Variants in ZNF518A observed in about 807,000 individuals in gnomAD.
ZNF518A encodes the protein zinc finger protein 518A.
A neutral mutation model predicts 102.7 loss-of-function variants in ZNF518A; 47 were observed. The ratio of observed to expected loss-of-function variants is 0.46; its 90% confidence interval spans 0.36 to 0.58. ZNF518A has a LOEUF of 0.58. Among genes scored for constraint, ZNF518A ranks in the 20% least tolerant of loss-of-function variants. ZNF518A has a pLI of 0.00. For synonymous variants in ZNF518A, 652 were observed against 594.6 expected (o/e 1.10, Z -1.40); for missense variants, 1,793 against 1,699.8 (o/e 1.05, Z -0.96).
At chr10:96,179,160 G>A (rs909335635) in intron 1 of ZNF518A, among the ~76,000 whole-genome samples, 4 of 152,040 alleles carry the variant, frequency 2.6e-5, no homozygotes, top group Non-Finnish European at 5.9e-5. Context: ...TAATGTATTA[G>A]CATTAAAAAC....
At chr10:96,189,965 G>T in intron 1 of ZNF518A, 2 of 885,846 alleles carry the variant, frequency 2.3e-6, no homozygotes, top group Non-Finnish European at 3.8e-6. Flanking sequence ...AAGGGAAACT[G>T]TTGGCTGTAC....
chr10:96,185,055 TC>T (rs1235686202), intron 1 of ZNF518A, among the ~76,000 whole-genome samples: 1 of 152,242 alleles, frequency 6.6e-6, no homozygotes, highest in Non-Finnish European at 1.5e-5. Flanking sequence ...ATTAATTTCA[TC>T]TTCAATCACT....
In ZNF518A at chr10:96,200,208, T is replaced by G; in HGVS notation, n.36-3366T>G. The G allele has an allele frequency of 6.6e-7, 1 of 1,506,360 alleles. No individual in the cohort carries two copies. Among genetic ancestry groups the G allele is most frequent in the Non-Finnish European group, 9.2e-7 (1 of 1,083,372 alleles). The allele number at this position is 1,506,360 out of a possible 1,614,324, so 93.3% of individuals were successfully genotyped here. On this transcript the variant is annotated intron_variant and non_coding_transcript_variant, in intron 1 of 2. Coordinates refer to the ZNF518A transcript ENST00000442635. The surrounding 1 kb of genome is among the most constrained non-coding windows in gnomAD (Gnocchi z 4.3). ...GCATGGGATGGTCCCTACTTAACTC[T>G]AATTTCTGTGTACTAGAAACAAAGA... is the stretch of plus-strand genomic sequence containing the variant.
rs1238481628 is a variant in ZNF518A, at chr10:96,196,835, A to G, written n.36-6739A>G. 6 of 1,444,794 alleles carry G rather than the reference A, an allele frequency of 4.2e-6. No homozygotes were observed. The African/African-American group carries it at 7.0e-5, about 17-fold the overall frequency. 89.5% of individuals were successfully genotyped at this position (1,444,794 alleles called of 1,614,324 possible). A position where few individuals can be genotyped will look rare whatever the true frequency, so the allele number is the denominator to read the frequency against. On this transcript the variant is annotated intron_variant and non_coding_transcript_variant, in intron 1 of 2. Coordinates refer to the ZNF518A transcript ENST00000442635. ...TGTATCCTTTCTCCTCATCTCTAGC[A>G]TCTAATACAGTATTTGATGTCATTA...
chr10:96,177,102 A>G (rs1243601495), intron 1 of ZNF518A, among the ~76,000 whole-genome samples: 3 of 150,260 alleles, frequency 2.0e-5, no homozygotes, highest in African/African-American at 4.9e-5. Context: ...AAAAAATCAC[A>G]TTTCTGAAAG....
chr10:96,136,883 T>G (rs1406937438), intron 3 of ZNF518A, among the ~76,000 whole-genome samples: 2 of 152,250 alleles, frequency 1.3e-5, no homozygotes, highest in African/African-American at 4.8e-5. Flanking sequence ...ATACCAAGGT[T>G]GGCAAGCTTT....
At position 96,156,843 on chromosome 10, in the gene ZNF518A, G is replaced by A. The variant is rs782765056; in HGVS notation, c.521G>A (p.Ser174Asn). ...AAACAACACAGACGAACCCATAGAA[G>A]CACTTTAGTAAAATGTGACATTTGT... ...VFKQHRRTHR[S>N]TLVKCDICNN... The change falls in exon 6 of 6, where the codon AGC becomes AAC. Residue 174 changes from serine (S) to asparagine (N), a missense_variant. This residue lies in a region of ZNF518A where 1,741 missense variants were observed against 1,622.6 expected (regional missense o/e 1.07). Coordinates refer to ENST00000316045, the MANE Select transcript of ZNF518A (RefSeq NM_001330736.2). 2 of 1,613,784 alleles carry A rather than the reference G, an allele frequency of 1.2e-6. No homozygotes were observed. Among genetic ancestry groups the A allele is most frequent in the East Asian group, 2.2e-5 (1 of 44,876 alleles).
At chr10:96,180,596 T>C (rs938450031) in intron 1 of ZNF518A, among the ~76,000 whole-genome samples, 7 of 152,074 alleles carry the variant, frequency 4.6e-5, no homozygotes, top group African/African-American at 9.7e-5. Flanking sequence ...CATGCGGTGT[T>C]AGGTTTTCTG....
intron 1 of ZNF518A, among the ~76,000 whole-genome samples, chr10:96,187,979 G>A (rs1432419191): frequency 6.6e-6 from 1 of 152,202 alleles, no homozygotes. Context: ...CTGAGTAGTA[G>A]CTGAAATTAC....
rs75468611 is a variant in ZNF518A at position 96,199,678 on chromosome 10, G to A, written n.36-3896G>A. On this transcript the variant is annotated intron_variant and non_coding_transcript_variant, in intron 1 of 2. Coordinates refer to the ZNF518A transcript ENST00000442635. ...TATTTAATTAGCATATCATAAGGAC[G>A]ACAACTGTGTCTATTACAGGCTGAG... 26 of 377,416 alleles carry A rather than the reference G, an allele frequency of 6.9e-5. No individual in the cohort carries two copies. The East Asian group carries it at 1.7e-3, about 24-fold the overall frequency. 23.4% of individuals were successfully genotyped at this position (377,416 alleles called of 1,614,324 possible).
At chr10:96,204,426 T>C, downstream of ZNF518A, 2 of 1,287,596 alleles carry the variant, frequency 1.6e-6, no homozygotes, top group East Asian at 2.3e-5. Flanking sequence ...AAATGTTGGA[T>C]TTTTACCTAG....
chr10:96,197,206 G>T, intron 1 of ZNF518A: 1 of 627,892 alleles, frequency 1.6e-6, no homozygotes, highest in Non-Finnish European at 2.6e-6. Context: ...ATTGATTAGC[G>T]CTTGTCTTCT....
At chr10:96,171,394 G>A (rs2083172561) in intron 1 of ZNF518A, among the ~76,000 whole-genome samples, 1 of 152,174 alleles carries the variant, frequency 6.6e-6, no homozygotes, top group South Asian at 2.1e-4. Flanking sequence ...CAACTTGGAT[G>A]AATGTTGGAA....
chr10:96,132,308 T>C (rs995411742), intron 1 of ZNF518A, among the ~76,000 whole-genome samples: 1 of 151,770 alleles, frequency 6.6e-6, no homozygotes, highest in Non-Finnish European at 1.5e-5. Flanking sequence ...GATCCAGATA[T>C]TATTTCTAGT....
chr10:96,171,260 T>C (rs782736766), intron 1 of ZNF518A, among the ~76,000 whole-genome samples: 7 of 152,340 alleles, frequency 4.6e-5, no homozygotes, highest in Admixed American at 1.3e-4. Context: ...GTATTATTCA[T>C]AGTGGCCTTA....
chr10:96,203,500 T>C (rs1275247377), intron 1 of ZNF518A: 2 of 152,212 alleles, frequency 1.3e-5, no homozygotes, highest in African/African-American at 4.8e-5. Context: ...TTTTCCCACA[T>C]TGAGTTGCAG....
At chr10:96,164,704 A>T (rs914051332), downstream of ZNF518A, among the ~76,000 whole-genome samples, 1 of 152,222 alleles carries the variant, frequency 6.6e-6, no homozygotes, top group Non-Finnish European at 1.5e-5. Flanking sequence ...TCAAGTAAAT[A>T]GTGTGGAAAA....
In ZNF518A at chr10:96,158,402, G is replaced by T; in HGVS notation, c.2080G>T (p.Asp694Tyr). The change falls in exon 6 of 6, where the codon GAT (aspartate) becomes TAT (tyrosine). Residue 694 changes from aspartate (D) to tyrosine (Y), a missense_variant. Asp to Tyr is a radical substitution (Grantham distance 160). Transcript: ENST00000316045. ...AGTGAGGCAGGAGAGCTCAAAACCA[G>T]ATAGCCTATTAGCATCTATTAGCCT... ...SLVRQESSKP[D>Y]SLLASISLLN... The T allele has an allele frequency of 6.2e-7, 1 of 1,613,560 alleles. No homozygotes were observed. The highest frequency in any genetic ancestry group is 8.5e-7 in the Non-Finnish European group (1 of 1,179,730).
chr10:96,204,343 G>A (rs782125820), downstream of ZNF518A: 11 of 724,544 alleles, frequency 1.5e-5, no homozygotes, highest in Non-Finnish European at 2.6e-5. Flanking sequence ...AACCCAATTA[G>A]TAGGTCTCTG....
Sources: gnomAD v4.1 joint callset for allele counts (sites outside exome capture counted in the v4.1 genomes callset) on GRCh38, gnomAD v4.1.1 for gene constraint, gnomAD v4.1.1 regional missense constraint, Gnocchi (gnomAD v3.1) non-coding constraint, MANE v1.5 for transcripts, NCBI Gene and HGNC (gene_info 2026-07-23, HGNC 2026-07-21) for gene names.